The following CDC42BPA variants were observed in gnomAD, a reference collection of about 807,000 sequenced individuals.
CDC42BPA encodes CDC42 binding protein kinase alpha.
In CDC42BPA, 80 loss-of-function variants were observed where a neutral mutation model predicts 223.5. The ratio of observed to expected loss-of-function variants is 0.36; its 90% CI spans 0.30 to 0.43. The LOEUF is 0.43. Among genes scored for constraint, CDC42BPA ranks in the 20% least tolerant of loss-of-function variants. The pLI is 1.00. For synonymous variants in CDC42BPA, 694 were observed against 718.6 expected (o/e 0.97, Z 0.55); for missense variants, 1,743 against 2,099.9 (o/e 0.83, Z 3.32).
intron 4 of CDC42BPA, among the ~76,000 whole-genome samples, chr1:227,198,211 G>C (rs963752913): frequency 6.6e-6 from 1 of 151,744 alleles, no homozygotes; most frequent in Non-Finnish European, 1.5e-5. Context: ...CACACCTTAG[G>C]GGGTCAAGCT....
intron 14 of CDC42BPA, among the ~76,000 whole-genome samples, chr1:227,110,002 C>T (rs1270574139): frequency 6.6e-6 from 1 of 152,088 alleles, no homozygotes; most frequent in Non-Finnish European, 1.5e-5. Context: ...GGTACAAATG[C>T]ACCCATCTAA....
chr1:227,214,766 A>G (rs984301861), intron 2 of CDC42BPA, among the ~76,000 whole-genome samples: 13 of 152,200 alleles, frequency 8.5e-5, no homozygotes, highest in African/African-American at 2.9e-4. Context: ...AAGTACTAAC[A>G]GTACTCTACA....
chr1:227,114,718 T>C (rs1045686681), intron 12 of CDC42BPA, among the ~76,000 whole-genome samples: 2 of 152,080 alleles, frequency 1.3e-5, no homozygotes, highest in Non-Finnish European at 2.9e-5. Flanking sequence ...AGTGCCAACA[T>C]GATGTTCAAA....
chr1:227,011,166 T>C (rs1665120739), intron 34 of CDC42BPA: 3 of 502,382 alleles, frequency 6.0e-6, no homozygotes, highest in East Asian at 1.0e-4. Context: ...GTATCTGATA[T>C]CAGAGCTGAA....
chr1:227,287,873 A>T (rs928157436), intron 1 of CDC42BPA, among the ~76,000 whole-genome samples: 4 of 152,218 alleles, frequency 2.6e-5, no homozygotes, highest in African/African-American at 9.6e-5. Flanking sequence ...TCAAAACTGT[A>T]GGGCAATGAG....
intron 5 of CDC42BPA, among the ~76,000 whole-genome samples, chr1:227,186,866 AC>A (rs1235612822): frequency 1.3e-5 from 2 of 152,188 alleles, no homozygotes; most frequent in Admixed American, 6.5e-5. Context: ...TACCTGTCTC[AC>A]CCATCGTCTT....
At chr1:227,120,000 T>C (rs1388757759) in intron 11 of CDC42BPA, 63 bp from the exon 12 acceptor site, 1 of 1,325,124 alleles carries the variant, frequency 7.5e-7, no homozygotes, top group East Asian at 2.5e-5. Context: ...GAACCTAAGG[T>C]AAAACAACTA....
intron 19 of CDC42BPA, among the ~76,000 whole-genome samples, chr1:227,072,993 A>G (rs1678717739): frequency 6.6e-6 from 1 of 152,160 alleles, no homozygotes; most frequent in African/African-American, 2.4e-5. Flanking sequence ...AAAAGCTTAT[A>G]AACCAAAAGT....
intron 1 of CDC42BPA, among the ~76,000 whole-genome samples, chr1:227,277,381 G>C (rs979821233): frequency 2.6e-5 from 4 of 152,128 alleles, no homozygotes; most frequent in African/African-American, 9.7e-5. Flanking sequence ...CATTATTTGA[G>C]GGACTACATC....
chr1:227,105,140 A>T (rs903712413), intron 14 of CDC42BPA, among the ~76,000 whole-genome samples: 13 of 152,130 alleles, frequency 8.5e-5, no homozygotes, highest in Non-Finnish European at 1.6e-4. Context: ...AACAACATAC[A>T]ACAAAATTTT....
At position 227,122,726 on chromosome 1, in the gene CDC42BPA, T is replaced by C. The variant is rs117440670; in HGVS notation, c.1514-2789A>G. ...ACCCCTCCCCTAATATTTAATAAAA[T>C]CCTCCATTATGGAGAGAAACACAGC... is the stretch of plus-strand genomic sequence containing the variant. On this transcript the variant is annotated intron_variant, in intron 11 of 36. Transcript: ENST00000366766. 2.2e-3 allele frequency among the ~76,000 whole-genome samples: 328 copies of C among 152,232 alleles called. 8 individuals are homozygous for C. In the East Asian group the frequency reaches 0.044, roughly 21 times the overall value.
intron 31 of CDC42BPA, among the ~76,000 whole-genome samples, chr1:227,025,185 G>C (rs1161007974): frequency 6.6e-6 from 1 of 152,194 alleles, no homozygotes; most frequent in African/African-American, 2.4e-5. Flanking sequence ...GGAGGCTGCA[G>C]TGAGCTGATA....
chr1:226,994,785 TTC>T lies in CDC42BPA; in HGVS notation c.5133+36_5133+37del, dbSNP rs777920877. 1.3e-5 allele frequency: 20 copies of T among 1,567,332 alleles called. No individual in the cohort carries two copies. In the East Asian group the frequency reaches 1.4e-4, roughly 11 times the overall value. On this transcript the variant is annotated intron_variant, in intron 36 of 36. Transcript: ENST00000366766. The surrounding 1 kb of genome is among the most constrained non-coding windows in gnomAD (Gnocchi z 4.0). ...ATTGCCTGGGAAGATGCCCTAGTCT[TTC>T]TGATACATGACGTCTCCGGAACCCT...
chr1:227,012,869 G>A (rs61834003), intron 34 of CDC42BPA, among the ~76,000 whole-genome samples: 24,085 of 151,960 alleles, frequency 0.16, 2,531 homozygotes, highest in Non-Finnish European at 0.24. Context: ...GCATATTATT[G>A]TATTTACTAG....
chr1:227,300,788 T>A (rs1348411710), intron 1 of CDC42BPA, among the ~76,000 whole-genome samples: 1 of 152,218 alleles, frequency 6.6e-6, no homozygotes, highest in Non-Finnish European at 1.5e-5. Context: ...TTCATCCATG[T>A]AACCAAAAAC....
chr1:227,059,707 C>G (rs1307461712), intron 21 of CDC42BPA, among the ~76,000 whole-genome samples: 1 of 152,096 alleles, frequency 6.6e-6, no homozygotes, highest in Admixed American at 6.5e-5. Flanking sequence ...TTGGCAGTAG[C>G]AGACTGGAAC....
chr1:227,280,198 C>A (rs1056156230), intron 1 of CDC42BPA, among the ~76,000 whole-genome samples: 2 of 152,142 alleles, frequency 1.3e-5, no homozygotes, highest in African/African-American at 4.8e-5. Flanking sequence ...CTGGTATCAA[C>A]CATTTTGCTT....
intron 32 of CDC42BPA, 36 bp from the exon 33 acceptor site, chr1:227,017,086 T>C (rs544705386): frequency 8.8e-6 from 14 of 1,582,838 alleles, no homozygotes; most frequent in Middle Eastern, 1.7e-4. Context: ...AATGATGTTC[T>C]TTAAACTGTT....
chr1:227,299,222 C>A (rs968865072), intron 1 of CDC42BPA, among the ~76,000 whole-genome samples: 1 of 152,074 alleles, frequency 6.6e-6, no homozygotes, highest in Non-Finnish European at 1.5e-5. Flanking sequence ...TTAGGGTTGA[C>A]GAACACTAAA....
Sources: gnomAD v4.1 joint callset for allele counts (sites outside exome capture counted in the v4.1 genomes callset) on GRCh38, gnomAD v4.1.1 for gene constraint, Gnocchi (gnomAD v3.1) non-coding constraint, MANE v1.5 for transcripts, NCBI Gene and HGNC (gene_info 2026-07-23, HGNC 2026-07-21) for gene names.